The following CFAP299 variants were observed in gnomAD, a reference collection of about 807,000 sequenced individuals.
CFAP299 encodes the protein cilia and flagella associated protein 299.
CFAP299 carries 21 observed loss-of-function variants against 27.0 expected under a neutral mutation model. The observed-to-expected ratio is 0.78, with a 90% CI of 0.55 to 1.12. CFAP299 has a LOEUF of 1.12. CFAP299 is among the 50% of genes most tolerant of loss of function. CFAP299 has a pLI of 0.00. For missense variants in CFAP299, 310 were observed against 276.6 expected (o/e 1.12, Z -0.86); for synonymous variants, 104 against 98.1 (o/e 1.06, Z -0.36).
rs144124237 is a variant in CFAP299, at chr4:80,775,969, G to C, written c.334-94024G>C. 4.7e-4 allele frequency among the ~76,000 whole-genome samples: 71 copies of C among 152,250 alleles called. No homozygotes were observed. In the East Asian group the frequency reaches 0.013, roughly 27 times the overall value. On this transcript the variant is annotated intron_variant, in intron 3 of 5. Coordinates refer to ENST00000358105, the MANE Select transcript of CFAP299 (RefSeq NM_152770.3). The stretch of plus-strand genomic sequence containing the variant: ...GGCATTTTATAAAAGAAATTGTCTT[G>C]TAGAGCAGATGATGGTTCTGGCTCA...
intron 3 of CFAP299, among the ~76,000 whole-genome samples, chr4:80,631,606 T>C (rs566668486): frequency 6.6e-6 from 1 of 152,262 alleles, no homozygotes; most frequent in African/African-American, 2.4e-5. Flanking sequence ...AAAGAGAAGG[T>C]ACTTCATTTT....
At chr4:80,436,923 T>A (rs1728116781) in intron 2 of CFAP299, among the ~76,000 whole-genome samples, 1 of 152,154 alleles carries the variant, frequency 6.6e-6, no homozygotes, top group Non-Finnish European at 1.5e-5. Context: ...AATATTAAAA[T>A]CAAAGTGGCA....
intron 2 of CFAP299, among the ~76,000 whole-genome samples, chr4:80,467,599 TGAA>T (rs901111394): frequency 9.2e-5 from 14 of 152,284 alleles, no homozygotes; most frequent in African/African-American, 3.1e-4. Flanking sequence ...TTGTTCAATA[TGAA>T]GAAGAATATT....
chr4:80,334,664 A>G (rs1279134990), upstream of CFAP299, among the ~76,000 whole-genome samples: 1 of 152,224 alleles, frequency 6.6e-6, no homozygotes, highest in East Asian at 1.9e-4. Context: ...GGCCCAAAAT[A>G]TCTTTAAAAA....
intron 3 of CFAP299, among the ~76,000 whole-genome samples, chr4:80,615,720 CT>C (rs1738237518): frequency 1.3e-5 from 2 of 152,034 alleles, no homozygotes; most frequent in South Asian, 4.1e-4. Flanking sequence ...CATCTTGATA[CT>C]TTTAGCAAGA....
intron 4 of CFAP299, among the ~76,000 whole-genome samples, chr4:80,941,314 A>T (rs75598166): frequency 1.3e-5 from 2 of 152,166 alleles, no homozygotes; most frequent in African/African-American, 4.8e-5. Context: ...TAAACTGCTC[A>T]GAGAGAATTC....
intron 3 of CFAP299, among the ~76,000 whole-genome samples, chr4:80,799,995 A>G (rs1728311119): frequency 3.4e-5 from 2 of 58,608 alleles, no homozygotes; most frequent in Non-Finnish European, 5.7e-5. Flanking sequence ...TGTAATATAT[A>G]TTATGATATA....
intron 3 of CFAP299, among the ~76,000 whole-genome samples, chr4:80,614,763 C>T (rs1258782188): frequency 6.6e-6 from 1 of 151,808 alleles, no homozygotes; most frequent in Non-Finnish European, 1.5e-5. Context: ...GAATTAATCT[C>T]ATTTATTAAA....
intron 3 of CFAP299, among the ~76,000 whole-genome samples, chr4:80,843,709 G>A (rs968619610): frequency 1.3e-5 from 2 of 151,934 alleles, no homozygotes; most frequent in African/African-American, 4.8e-5. Flanking sequence ...GTGTAAAAGT[G>A]TCCTTATTTC....
At chr4:80,910,803 A>G (rs1251281608) in intron 4 of CFAP299, among the ~76,000 whole-genome samples, 2 of 152,104 alleles carry the variant, frequency 1.3e-5, no homozygotes, top group Non-Finnish European at 2.9e-5. Flanking sequence ...TGAACTTAAA[A>G]TAAAAGTTAA....
chr4:80,556,413 A>G (rs1007224878), intron 2 of CFAP299, among the ~76,000 whole-genome samples: 1 of 152,120 alleles, frequency 6.6e-6, no homozygotes, highest in Non-Finnish European at 1.5e-5. Flanking sequence ...ATTTAACACA[A>G]TAATTATATA....
intron 3 of CFAP299, among the ~76,000 whole-genome samples, chr4:80,862,485 T>C (rs1274574133): frequency 3.3e-5 from 5 of 152,158 alleles, no homozygotes; most frequent in Admixed American, 6.6e-5. Context: ...TCCCCAACCA[T>C]TGCAAAATGA....
At chr4:80,326,622 TG>T in the CFAP299 span, among the ~76,000 whole-genome samples, 2 of 152,192 alleles carry the variant, frequency 1.3e-5, no homozygotes, top group Non-Finnish European at 2.9e-5. Flanking sequence ...AGCTGGCCTG[TG>T]GTTTCTTCTG....
chr4:80,369,076 G>C (rs142464315), intron 2 of CFAP299, among the ~76,000 whole-genome samples: 1 of 152,176 alleles, frequency 6.6e-6, no homozygotes, highest in Non-Finnish European at 1.5e-5. Context: ...ATCCCACATG[G>C]GATGAAATAG....
At chr4:80,494,943 A>G (rs1364452917) in intron 2 of CFAP299, among the ~76,000 whole-genome samples, 1 of 152,236 alleles carries the variant, frequency 6.6e-6, no homozygotes, top group Non-Finnish European at 1.5e-5. Flanking sequence ...AAATCTCAGA[A>G]GTCAAAGTGA....
chr4:80,642,609 C>T (rs949385946), intron 3 of CFAP299, among the ~76,000 whole-genome samples: 8 of 151,794 alleles, frequency 5.3e-5, no homozygotes, highest in African/African-American at 1.9e-4. Flanking sequence ...ACTAAAAATA[C>T]AAAAATTAGC....
intron 3 of CFAP299, among the ~76,000 whole-genome samples, chr4:80,703,685 T>C (rs1721649876): frequency 6.6e-6 from 1 of 151,692 alleles, no homozygotes; most frequent in Non-Finnish European, 1.5e-5. Flanking sequence ...CTATACAATA[T>C]ACTATTCTAC....
At chr4:80,523,266 T>C (rs538344120) in intron 2 of CFAP299, among the ~76,000 whole-genome samples, 29 of 152,326 alleles carry the variant, frequency 1.9e-4, no homozygotes, top group Admixed American at 7.8e-4. Context: ...GACTGTTTTC[T>C]TGGTTTCCCT....
intron 2 of CFAP299, among the ~76,000 whole-genome samples, chr4:80,502,994 C>T (rs908771132): frequency 6.6e-6 from 1 of 152,016 alleles, no homozygotes; most frequent in Non-Finnish European, 1.5e-5. Context: ...TAAGACTTCC[C>T]TAAGGAGCTG....
Sources: gnomAD v4.1 joint callset for allele counts (sites outside exome capture counted in the v4.1 genomes callset) on GRCh38, gnomAD v4.1.1 for gene constraint, MANE v1.5 for transcripts, NCBI Gene and HGNC (gene_info 2026-07-23, HGNC 2026-07-21) for gene names.